The following STK32B variants were observed in gnomAD, a reference collection of about 807,000 sequenced individuals.
The protein encoded by STK32B is serine/threonine-protein kinase 32B.
A neutral mutation model predicts 52.6 loss-of-function variants in STK32B; 43 were observed. The ratio of observed to expected loss-of-function variants is 0.82; its 90% CI spans 0.64 to 1.05. The LOEUF is 1.05. Among genes scored for constraint, STK32B ranks in the 50% least tolerant of loss-of-function variants. STK32B has a pLI of 0.00. For missense variants in STK32B, 621 were observed against 534.6 expected, an observed-to-expected ratio of 1.16 and a Z score of -1.59; for synonymous variants, 238 against 204.3, an observed-to-expected ratio of 1.17 and a Z score of -1.41.
At position 5,122,071 on chromosome 4, in the gene STK32B, C is replaced by T. The variant is rs187588350; in HGVS notation, c.53-17834C>T. Among the ~76,000 whole-genome samples the T allele has an allele frequency of 2.1e-3, 324 of 152,158 alleles. 2 individuals are homozygous for T. Among genetic ancestry groups the T allele is most frequent in the African/African-American group, 7.4e-3 (307 of 41,510 alleles). On this transcript the variant is annotated intron_variant, in intron 1 of 11. Coordinates refer to ENST00000282908, the MANE Select transcript of STK32B (RefSeq NM_018401.3). ...ACTCGCTCATTCATTCACTAATTCACATACTCATTCTCTCACTCATTTACT... is the reference window on the plus strand; with the variant it reads ...ACTCGCTCATTCATTCACTAATTCATATACTCATTCTCTCACTCATTTACT...
chr4:5,271,293 G>T (rs1351957122), intron 3 of STK32B, among the ~76,000 whole-genome samples: 1 of 152,002 alleles, frequency 6.6e-6, no homozygotes, highest in Non-Finnish European at 1.5e-5. Context: ...GGATAGATCT[G>T]GATAAACATG....
chr4:5,421,399 A>G (rs948095748), intron 6 of STK32B, among the ~76,000 whole-genome samples: 2 of 151,598 alleles, frequency 1.3e-5, no homozygotes, highest in South Asian at 2.1e-4. Context: ...TAATTTTTGC[A>G]TTTTTAGTAG....
intron 3 of STK32B, among the ~76,000 whole-genome samples, chr4:5,231,724 C>G (rs1724284942): frequency 6.6e-6 from 1 of 152,058 alleles, no homozygotes. Context: ...AAACTGATGA[C>G]CAAGGGCTGA....
chr4:5,441,237 G>C (rs1278423419), intron 6 of STK32B, among the ~76,000 whole-genome samples: 1 of 151,528 alleles, frequency 6.6e-6, no homozygotes, highest in Admixed American at 6.6e-5. Context: ...TCTGGTCCTG[G>C]ACTCTTTTTG....
intron 1 of STK32B, among the ~76,000 whole-genome samples, chr4:5,105,982 C>G (rs927349910): frequency 6.6e-6 from 1 of 151,886 alleles, no homozygotes; most frequent in Non-Finnish European, 1.5e-5. Context: ...TATTCATTGC[C>G]CATAATGTTG....
intron 3 of STK32B, among the ~76,000 whole-genome samples, chr4:5,238,173 C>T (rs1008504132): frequency 3.9e-5 from 6 of 152,084 alleles, no homozygotes; most frequent in African/African-American, 9.7e-5. Flanking sequence ...GATTCGCTCA[C>T]GGTTCTGGAG....
intron 3 of STK32B, among the ~76,000 whole-genome samples, chr4:5,257,365 A>AAGTGAAAG (rs1726392148): frequency 6.6e-6 from 1 of 151,680 alleles, no homozygotes; most frequent in African/African-American, 2.4e-5. Context: ...GTGAATGAGT[A>AAGTGAAAG]AGTGAATGAG....
At chr4:5,313,104 GTGGTTTTTAAAAAC>G (rs1387894155) in intron 3 of STK32B, among the ~76,000 whole-genome samples, 2 of 143,872 alleles carry the variant, frequency 1.4e-5, no homozygotes, top group African/African-American at 5.6e-5. Context: ...AAAAGTAATT[GTGGTTTTTAAAAAC>G]CACAATTACT....
intron 3 of STK32B, among the ~76,000 whole-genome samples, chr4:5,223,495 A>G (rs1479171046): frequency 6.6e-6 from 1 of 152,148 alleles, no homozygotes; most frequent in Admixed American, 6.5e-5. Context: ...GCCAGCATGT[A>G]TAGAAGGGGG....
intron 4 of STK32B, among the ~76,000 whole-genome samples, chr4:5,382,886 G>A (rs1363693316): frequency 1.3e-5 from 2 of 152,094 alleles, no homozygotes; most frequent in African/African-American, 4.8e-5. Context: ...AGGAACCTGG[G>A]GCTATTGCTT....
rs997138063 is a variant in STK32B, at chr4:5,378,835, C to G, written c.435-19372C>G. 2.0e-5 allele frequency among the ~76,000 whole-genome samples: 3 copies of G among 152,146 alleles called. No homozygotes were observed. The highest frequency in any genetic ancestry group is 7.2e-5 in the African/African-American group (3 of 41,438). On this transcript the variant is annotated intron_variant, in intron 4 of 11. Transcript: ENST00000282908. The surrounding 1 kb of genome is among the most constrained non-coding windows in gnomAD (Gnocchi z 4.4). ...CCCCATCCCGAAGACTCGGGCTTCA[C>G]TGCTGACTGGGGCTTGTGATCCTGG... is the stretch of plus-strand genomic sequence containing the variant.
chr4:5,162,370 G>A (rs1718516527), intron 2 of STK32B, among the ~76,000 whole-genome samples: 3 of 152,312 alleles, frequency 2.0e-5, no homozygotes, highest in South Asian at 4.1e-4. Context: ...CTTTGGGTGT[G>A]CTGCAGAATC....
chr4:5,459,259 G>A (rs1716827950), intron 8 of STK32B, among the ~76,000 whole-genome samples: 1 of 147,456 alleles, frequency 6.8e-6, no homozygotes, highest in African/African-American at 2.6e-5. Flanking sequence ...CTGACTTCCA[G>A]CTCCACCTGT....
At chr4:5,182,210 A>T (rs1277042414) in intron 3 of STK32B, among the ~76,000 whole-genome samples, 1 of 152,208 alleles carries the variant, frequency 6.6e-6, no homozygotes, top group African/African-American at 2.4e-5. Context: ...TTCTCTTGCT[A>T]CTTACACCAC....
At chr4:5,112,325 T>G (rs76082694) in intron 1 of STK32B, among the ~76,000 whole-genome samples, 1 of 152,162 alleles carries the variant, frequency 6.6e-6, no homozygotes, top group Admixed American at 6.5e-5. Flanking sequence ...AATTGATTCA[T>G]GTATTCAGGA....
In STK32B at chr4:5,499,045, C is replaced by A. The variant is rs780502045; in HGVS notation, c.1207C>A (p.Leu403Ile). The change falls in exon 12 of 12, where the codon CTC becomes ATC. Residue 403 changes from leucine to isoleucine, a missense_variant. Physicochemically the swap from Leu to Ile is conservative, Grantham distance 5 (BLOSUM62 2). Coordinates refer to ENST00000282908, the MANE Select transcript of STK32B (RefSeq NM_018401.3). ...SKLQDGCNNN[L>I]LTHTCTRGCS... ...GCTCCAGGACGGGTGCAACAACAAC[C>A]TCCTCACCCACACCTGCACCCGTGG... is the stretch of plus-strand genomic sequence containing the variant. The A allele has an allele frequency of 8.1e-6, 13 of 1,613,674 alleles. No homozygotes were observed. Among genetic ancestry groups the A allele is most frequent in the Non-Finnish European group, 1.1e-5 (13 of 1,179,808 alleles).
At chr4:5,054,672 T>A (rs1430094142) in intron 1 of STK32B, among the ~76,000 whole-genome samples, 1 of 152,108 alleles carries the variant, frequency 6.6e-6, no homozygotes, top group Admixed American at 6.5e-5. Flanking sequence ...ACTGAAGGGT[T>A]TTAAGCAGGG....
intron 1 of STK32B, among the ~76,000 whole-genome samples, chr4:5,101,338 C>T (rs1713778284): frequency 6.6e-6 from 1 of 152,032 alleles, no homozygotes; most frequent in Admixed American, 6.5e-5. Context: ...GATGGATGTA[C>T]TCTAGTTGTT....
At chr4:5,313,743 TTACAGTA>T (rs1730471716) in intron 3 of STK32B, among the ~76,000 whole-genome samples, 1 of 152,158 alleles carries the variant, frequency 6.6e-6, no homozygotes, top group East Asian at 1.9e-4. Flanking sequence ...GACAGCACCA[TTACAGTA>T]TACAGCACTA....
Sources: allele counts gnomAD v4.1 joint callset (sites outside exome capture counted in the v4.1 genomes callset), GRCh38; gene constraint gnomAD v4.1.1; non-coding constraint Gnocchi (gnomAD v3.1); transcripts MANE v1.5; gene names NCBI Gene and HGNC (gene_info 2026-07-23, HGNC 2026-07-21).